Variants in KSR2 observed in about 807,000 individuals in gnomAD.
KSR2 encodes kinase suppressor of ras 2.
In KSR2, 25 loss-of-function variants were observed where a neutral mutation model predicts 107.8. The ratio of observed to expected loss-of-function variants is 0.23; its 90% CI spans 0.17 to 0.32. The LOEUF (loss-of-function observed/expected upper bound fraction) is 0.32, where lower values mean the gene tolerates loss of function less well. Among genes scored for constraint, KSR2 ranks in the 10% least tolerant of loss-of-function variants. The probability of loss-of-function intolerance (pLI) is 1.00; values close to 1 mark genes in which losing one functional copy is unlikely to be tolerated. For synonymous variants in KSR2, 480 were observed against 507.0 expected (o/e 0.95, Z 0.71); for missense variants, 887 against 1,268.9 (o/e 0.70, Z 4.57).
At chr12:117,543,909 T>C (rs908027086) in intron 9 of KSR2, among the ~76,000 whole-genome samples, 1 of 152,220 alleles carries the variant, frequency 6.6e-6, no homozygotes, top group Non-Finnish European at 1.5e-5. Context: ...TGCAGTTGCA[T>C]CACTCTAATC....
chr12:117,839,846 C>G (rs1892390164), intron 3 of KSR2, among the ~76,000 whole-genome samples: 1 of 152,202 alleles, frequency 6.6e-6, no homozygotes, highest in South Asian at 2.1e-4. Flanking sequence ...CCTGCCCCAC[C>G]AGGCATCAGC....
intron 14 of KSR2, among the ~76,000 whole-genome samples, chr12:117,509,397 C>G (rs1255787517): frequency 6.6e-6 from 1 of 152,156 alleles, no homozygotes; most frequent in East Asian, 1.9e-4. Flanking sequence ...AGGGATAGGG[C>G]AGCACCAAGG....
chr12:117,916,132 CTTCTTTTTTTTTT>C (rs1479842652), intron 1 of KSR2, among the ~76,000 whole-genome samples: 43 of 125,710 alleles, frequency 3.4e-4, no homozygotes, highest in Non-Finnish European at 6.5e-4. Context: ...TTTATTTCTT[CTTCTTTTTTTTTT>C]TTTTTTTTTG....
chr12:117,673,050 G>C (rs987875789), intron 4 of KSR2, among the ~76,000 whole-genome samples: 1 of 152,194 alleles, frequency 6.6e-6, no homozygotes, highest in Admixed American at 6.5e-5. Context: ...GAGGCACTGA[G>C]CTAAGTGACA....
chr12:117,831,380 G>A (rs1250043127), intron 3 of KSR2, among the ~76,000 whole-genome samples: 1 of 152,192 alleles, frequency 6.6e-6, no homozygotes, highest in Admixed American at 6.5e-5. Context: ...ACAGCCCAGG[G>A]CACCTCTTCT....
chr12:117,938,366 A>T (rs61945394), intron 1 of KSR2, among the ~76,000 whole-genome samples: 3,104 of 152,180 alleles, frequency 0.02, 48 homozygotes, highest in Middle Eastern at 0.054. Flanking sequence ...CAAAGCAGAC[A>T]TCATAGGCCA....
intron 7 of KSR2, among the ~76,000 whole-genome samples, chr12:117,566,425 C>G (rs545804463): frequency 6.6e-6 from 1 of 152,284 alleles, no homozygotes; most frequent in Admixed American, 6.5e-5. Context: ...TGGCCTGCCC[C>G]CCTCTTTCTG....
intron 14 of KSR2, among the ~76,000 whole-genome samples, chr12:117,516,140 C>T (rs1398683417): frequency 6.6e-6 from 1 of 152,166 alleles, no homozygotes; most frequent in African/African-American, 2.4e-5. Context: ...GGGCTTCATC[C>T]TCAGGCAACC....
At chr12:117,517,814 C>G in intron 14 of KSR2, 1 of 455,706 alleles carries the variant, frequency 2.2e-6, no homozygotes, top group South Asian at 1.6e-5. Context: ...CTCAGGCCCC[C>G]CAACTCCTGT....
Position 117,462,954 on chromosome 12 carries a change from A to G in KSR2, c.*4245T>C, listed in dbSNP as rs1870977206. 6.6e-6 allele frequency: 1 copy of G among 152,254 alleles called. No homozygotes were observed. The allele number at this position is 152,254 out of a possible 1,614,324, so 9.4% of individuals were successfully genotyped here. A position where few individuals can be genotyped will look rare whatever the true frequency, so the allele number is the denominator to read the frequency against. The stretch of plus-strand genomic sequence containing the variant: ...AAAGGCCACGTGAGGTCACGATCAG[A>G]GGGCAGCTGTCTGCAAGCCAAAGAA... On this transcript the variant is annotated 3_prime_UTR_variant, in exon 20 of 20. Transcript: ENST00000339824.
At chr12:117,501,983 C>G (rs1873405959) in intron 14 of KSR2, among the ~76,000 whole-genome samples, 1 of 152,248 alleles carries the variant, frequency 6.6e-6, no homozygotes, top group Non-Finnish European at 1.5e-5. Flanking sequence ...TTTAGAATGT[C>G]TTTCTTACAG....
In KSR2 at chr12:117,523,383, C is replaced by CT. The variant is rs578136174; in HGVS notation, c.2219+1468dup. ...CAGCCCCTTGGCATCACAGGTCATA[C>CT]TAAGAATGCCATTGCAGAGGCCAGT... On this transcript the variant is annotated intron_variant, in intron 14 of 19. Transcript: ENST00000339824. Among the ~76,000 whole-genome samples, 169 of 152,268 alleles carry CT rather than the reference C, an allele frequency of 1.1e-3. 1 individual carries two copies. The highest frequency in any genetic ancestry group is 1.8e-3 in the Non-Finnish European group (121 of 68,020).
chr12:117,533,497 C>T (rs1322397252), intron 10 of KSR2, among the ~76,000 whole-genome samples: 2 of 152,164 alleles, frequency 1.3e-5, no homozygotes, highest in Admixed American at 6.5e-5. Flanking sequence ...AATGGGATGT[C>T]CAGGGCAAGA....
At chr12:117,564,509 CAAA>C (rs1878334270) in intron 7 of KSR2, among the ~76,000 whole-genome samples, 2 of 152,136 alleles carry the variant, frequency 1.3e-5, no homozygotes, top group African/African-American at 4.8e-5. Flanking sequence ...ACTTTCATGG[CAAA>C]TAGTTAACTT....
At chr12:117,553,904 G>A (rs1213862780) in intron 9 of KSR2, among the ~76,000 whole-genome samples, 2 of 150,600 alleles carry the variant, frequency 1.3e-5, no homozygotes, top group East Asian at 3.9e-4. Flanking sequence ...ACCGTGTGAT[G>A]CGTGCTTCCC....
At chr12:117,960,437 G>A (rs1020464241) in intron 1 of KSR2, among the ~76,000 whole-genome samples, 30 of 152,098 alleles carry the variant, frequency 2.0e-4, no homozygotes, top group African/African-American at 5.3e-4. Context: ...GCACACTGGC[G>A]CCTGTCCTCT....
At chr12:117,966,658 CTCTT>C (rs571528977) in intron 1 of KSR2, among the ~76,000 whole-genome samples, 134 of 149,456 alleles carry the variant, frequency 9.0e-4, no homozygotes, top group Middle Eastern at 3.4e-3. Flanking sequence ...TGCTGTCTCT[CTCTT>C]TCTCTCTCTC....
Position 117,492,471 on chromosome 12 carries a change from C to T in KSR2, c.2220-6780G>A, listed in dbSNP as rs570666470. Among the ~76,000 whole-genome samples the T allele has an allele frequency of 2.4e-3, 365 of 152,262 alleles. 1 individual carries two copies. Among genetic ancestry groups the T allele is most frequent in the Non-Finnish European group, 3.5e-3 (235 of 68,018 alleles). On this transcript the variant is annotated intron_variant, in intron 14 of 19. Coordinates refer to ENST00000339824, the MANE Select transcript of KSR2 (RefSeq NM_173598.6). Reference sequence around the variant, plus strand: ...GCAGCCACCTCTGAGGACTGACACCCTGGCTCCCAGCCCAGCTCTGTCACC... The same window carrying T: ...GCAGCCACCTCTGAGGACTGACACCTTGGCTCCCAGCCCAGCTCTGTCACC...
intron 4 of KSR2, among the ~76,000 whole-genome samples, chr12:117,750,031 C>T (rs630195): frequency 0.9 from 135,887 of 151,798 alleles, 61,123 homozygotes; most frequent in African/African-American, 0.97. Context: ...GTGGACCACC[C>T]GAGGTCAGGA....
Sources: gnomAD v4.1 joint callset for allele counts (sites outside exome capture counted in the v4.1 genomes callset) on GRCh38, gnomAD v4.1.1 for gene constraint, MANE v1.5 for transcripts, NCBI Gene and HGNC (gene_info 2026-07-23, HGNC 2026-07-21) for gene names.